Variants in SZT2 observed in about 807,000 individuals in gnomAD.
SZT2 encodes the protein KICSTOR complex protein SZT2.
In SZT2, 216 loss-of-function variants were observed where a neutral mutation model predicts 404.2. That is an observed-to-expected ratio of 0.53 (90% CI 0.48 to 0.60). The LOEUF (loss-of-function observed/expected upper bound fraction) is 0.60. Ranked by LOEUF, SZT2 falls within the 20% of genes least tolerant of loss-of-function variation. The probability of loss-of-function intolerance (pLI) is 0.00; values close to 1 mark genes in which losing one functional copy is unlikely to be tolerated. For synonymous variants in SZT2, 1,693 were observed against 1,749.9 expected (o/e 0.97, Z 0.81); for missense variants, 3,857 against 4,459.2 (o/e 0.86, Z 3.85).
At chr1:43,399,452 A>AG (rs1255426616) in intron 1 of SZT2, among the ~76,000 whole-genome samples, 6 of 149,368 alleles carry the variant, frequency 4.0e-5, no homozygotes, top group Admixed American at 1.3e-4. Flanking sequence ...TAAATCACAC[A>AG]GTAGCCAGAG....
intron 26 of SZT2, 124 bp from the exon 27 acceptor site, chr1:43,427,879 C>G: frequency 7.6e-7 from 1 of 1,321,474 alleles, no homozygotes; most frequent in Non-Finnish European, 1.1e-6. Context: ...AACCCTTGAA[C>G]TTGCTAGGCC....
At chr1:43,414,979 T>G (rs1026816848) in intron 4 of SZT2, 103 bp from the exon 5 acceptor site, 2 of 1,433,926 alleles carry the variant, frequency 1.4e-6, no homozygotes, top group Admixed American at 2.3e-5. Context: ...GGGTAGGAAG[T>G]CAGGATCGCC....
intron 1 of SZT2, among the ~76,000 whole-genome samples, chr1:43,393,886 TA>T (rs1208196677): frequency 6.6e-6 from 1 of 152,218 alleles, no homozygotes; most frequent in Non-Finnish European, 1.5e-5. Flanking sequence ...ACGACATCCC[TA>T]TGAAGATATT....
Position 43,439,556 on chromosome 1 carries a change from G to A in SZT2, c.6878-49G>A, listed in dbSNP as rs760817303. 3.1e-6 allele frequency: 5 copies of A among 1,610,862 alleles called. No individual in the cohort carries two copies. Among genetic ancestry groups the A allele is most frequent in the Non-Finnish European group, 4.2e-6 (5 of 1,178,144 alleles). On this transcript the variant is annotated intron_variant, in intron 49 of 71. Transcript: ENST00000634258. The surrounding 1 kb of genome is among the most constrained non-coding windows in gnomAD (Gnocchi z 4.2). ...CAGCTGAGTGGAGGGTCGTGGGAGG[G>A]GTGGTCTGCAAGTCCCAGAGCTGAG...
Position 43,447,636 on chromosome 1 carries a change from G to A in SZT2, c.9378G>A (p.Leu3126=), listed in dbSNP as rs762399032. Residue 3126 remains leucine (L), a synonymous_variant, in exon 67 of 72, where the codon TTG becomes TTA. Transcript: ENST00000634258. ...DHASSYHMKP[L]RMARPGGPEH... is the part of the protein sequence containing the mutation. ...CCAGCTCTTACCACATGAAGCCATT[G>A]CGAATGGCCCGGCCAGGGGGCCCAG... 3.0e-5 allele frequency: 49 copies of A among 1,614,100 alleles called. No homozygotes were observed. The highest frequency in any genetic ancestry group is 3.9e-5 in the Non-Finnish European group (46 of 1,180,056).
chr1:43,447,999 C>A (rs370907185), intron 68 of SZT2, 28 bp downstream of exon 68: 1 of 1,613,278 alleles, frequency 6.2e-7, no homozygotes, highest in African/African-American at 1.3e-5. Context: ...CTTGAACATG[C>A]CCATTTCCCA....
intron 34 of SZT2, 32 bp downstream of exon 34, chr1:43,431,404 A>G (rs1653858867): frequency 6.2e-7 from 1 of 1,612,922 alleles, no homozygotes. Flanking sequence ...AGAGTTCATT[A>G]CTGCTTTTCA....
rs902637144 is a variant in SZT2, at chr1:43,439,354, C to G, written c.6793-4C>G. The G allele has an allele frequency of 1.9e-6, 3 of 1,613,918 alleles. No homozygotes were observed. The Admixed American group carries it at 5.0e-5, about 27-fold the overall frequency. On this transcript the variant is annotated splice_region_variant and splice_polypyrimidine_tract_variant and intron_variant, in intron 48 of 71. Coordinates refer to ENST00000634258, the MANE Select transcript of SZT2 (RefSeq NM_001365999.1). The surrounding 1 kb of genome is among the most constrained non-coding windows in gnomAD (Gnocchi z 4.2). ...TTAGTGCTCTGTGGCTGTTCTTTCC[C>G]CAGCATCCACTCCCACCACAGGGTG...
At position 43,430,043 on chromosome 1, in the gene SZT2, C is replaced by G; in HGVS notation, c.4341C>G (p.Phe1447Leu). The change falls in exon 30 of 72, where the codon TTC (phenylalanine) becomes TTG (leucine). Residue 1447 changes from phenylalanine (F) to leucine (L), a missense_variant. Physicochemically the swap from Phe to Leu is conservative, Grantham distance 22 (BLOSUM62 0). Around this residue, in one of 7 missense-constraint regions of SZT2, gnomAD observed 1,725 missense variants for 1,881.0 expected, o/e 0.92. Coordinates refer to ENST00000634258, the MANE Select transcript of SZT2 (RefSeq NM_001365999.1). ...EKFLEISRLH[F>L]RTVPSNPHYF... ...TCCTAGAGATCAGTCGTCTCCACTTCCGCACAGTGCCTTCCAATCCCCACT... is the reference window on the plus strand; with the variant it reads ...TCCTAGAGATCAGTCGTCTCCACTTGCGCACAGTGCCTTCCAATCCCCACT... The G allele has an allele frequency of 6.2e-7, 1 of 1,614,182 alleles. No homozygotes were observed. Among genetic ancestry groups the G allele is most frequent in the Non-Finnish European group, 8.5e-7 (1 of 1,180,026 alleles).
At chr1:43,421,372 G>A (rs1480763951) in intron 11 of SZT2, 69 bp downstream of exon 11, 1 of 1,565,516 alleles carries the variant, frequency 6.4e-7, no homozygotes. Context: ...TGGAGCCCAG[G>A]ACCACCACCT....
Position 43,451,155 on chromosome 1 carries a change from A to G in SZT2, c.*675A>G, listed in dbSNP as rs548394489. ...CACCCCATTACAGAGACATATGACA[A>G]TGTTCAGCAGGTCATCTTTAATGCA... On this transcript the variant is annotated 3_prime_UTR_variant, in exon 72 of 72. Coordinates refer to ENST00000634258, the MANE Select transcript of SZT2 (RefSeq NM_001365999.1). 2.2e-5 allele frequency: 28 copies of G among 1,271,978 alleles called. No individual in the cohort carries two copies. Among genetic ancestry groups the G allele is most frequent in the East Asian group, 1.6e-4 (7 of 43,320 alleles). The allele number at this position is 1,271,978 out of a possible 1,614,324, so 78.8% of individuals were successfully genotyped here.
chr1:43,418,457 T>C (rs1453626108), intron 7 of SZT2, among the ~76,000 whole-genome samples: 1 of 152,190 alleles, frequency 6.6e-6, no homozygotes, highest in Non-Finnish European at 1.5e-5. Flanking sequence ...TGAAGATGTC[T>C]GCGAAGGGCC....
chr1:43,446,553 G>A, intron 65 of SZT2, 137 bp downstream of exon 65: 1 of 1,035,812 alleles, frequency 9.7e-7, no homozygotes, highest in Non-Finnish European at 1.4e-6. Flanking sequence ...CTATGGCCTG[G>A]CTAGGTCAGT....
Position 43,453,900 on chromosome 1 carries a change from A to G in SZT2, c.*3420A>G. On this transcript the variant is annotated 3_prime_UTR_variant, in exon 72 of 72. Transcript: ENST00000634258. The stretch of plus-strand genomic sequence containing the variant: ...GCTCTCCTTGCTGGCCCTGCGAACG[A>G]ACGAGCACTGTTCGTGGTTAGAAAA... The G allele has an allele frequency of 4.1e-6, 5 of 1,216,792 alleles. No individual in the cohort carries two copies. In the African/African-American group the frequency reaches 7.9e-5, roughly 19 times the overall value. The allele number at this position is 1,216,792 out of a possible 1,614,324, so 75.4% of individuals were successfully genotyped here.
In SZT2 at chr1:43,438,950, C is replaced by A. The variant is rs774033880; in HGVS notation, c.6649C>A (p.Leu2217Ile). The A allele has an allele frequency of 2.5e-6, 4 of 1,614,224 alleles. No homozygotes were observed. The highest frequency in any genetic ancestry group is 3.4e-6 in the Non-Finnish European group (4 of 1,180,036). ...DVEFIQPPGS[L>I]PSEVLHLALP... is the part of the protein sequence containing the mutation. ...GCAGTTCATCCAGCCCCCTGGAAGTCTCCCCTCAGAGGTGCTGCATCTGGC... is the reference window on the plus strand; with the variant it reads ...GCAGTTCATCCAGCCCCCTGGAAGTATCCCCTCAGAGGTGCTGCATCTGGC... Residue 2217 changes from leucine (L) to isoleucine (I), a missense_variant, in exon 48 of 72, where the codon CTC becomes ATC. Transcript: ENST00000634258.
Position 43,431,254 on chromosome 1 carries a change from A to G in SZT2, c.4917-11A>G. The G allele has an allele frequency of 6.2e-7, 1 of 1,600,256 alleles. No individual in the cohort carries two copies. Among genetic ancestry groups the G allele is most frequent in the South Asian group, 1.1e-5 (1 of 88,494 alleles). On this transcript the variant is annotated splice_polypyrimidine_tract_variant and intron_variant, in intron 33 of 71. Transcript: ENST00000634258. ...AACTCCTGACCTTTGACTTGTTCCC[A>G]CCCTGTTCAGGTCAACATCTGAAAG... is the stretch of plus-strand genomic sequence containing the variant.
At chr1:43,390,472 C>G (rs1420296343) in intron 1 of SZT2, among the ~76,000 whole-genome samples, 5 of 152,184 alleles carry the variant, frequency 3.3e-5, no homozygotes, top group Non-Finnish European at 7.3e-5. Context: ...AGACCTCGTT[C>G]CAATATTGGC....
Position 43,424,392 on chromosome 1 carries a change from C to T in SZT2, c.2431C>T (p.Pro811Ser). Residue 811 changes from proline (P) to serine (S), a missense_variant, in exon 16 of 72, where the codon CCT becomes TCT. Coordinates refer to ENST00000634258, the MANE Select transcript of SZT2 (RefSeq NM_001365999.1). The surrounding 1 kb of genome is among the most constrained non-coding windows in gnomAD (Gnocchi z 4.1). ...SVPSGLAPAL[P>S]LSAIAQLLSI... ...CCCGTCAGGACTGGCCCCTGCGCTG[C>T]CTCTCAGTGCCATTGCCCAGCTCCT... 5 of 1,598,028 alleles carry T rather than the reference C, an allele frequency of 3.1e-6. No individual in the cohort carries two copies. Among genetic ancestry groups the T allele is most frequent in the Non-Finnish European group, 4.2e-6 (5 of 1,179,584 alleles).
intron 4 of SZT2, chr1:43,409,607 G>C: frequency 4.5e-6 from 1 of 224,148 alleles, no homozygotes; most frequent in Non-Finnish European, 9.4e-6. Context: ...AAAATCAGTA[G>C]CATTTCTGTA....
Sources: allele counts gnomAD v4.1 joint callset (sites outside exome capture counted in the v4.1 genomes callset), GRCh38; gene constraint gnomAD v4.1.1; regional missense constraint gnomAD v4.1.1; non-coding constraint Gnocchi (gnomAD v3.1); transcripts MANE v1.5; gene names NCBI Gene and HGNC (gene_info 2026-07-23, HGNC 2026-07-21).